ADGRG6: variants seen among roughly 807,000 people sequenced by gnomAD.
ADGRG6 encodes the protein adhesion G protein-coupled receptor G6, also known as G-protein coupled receptor 126.
Under a neutral mutation model 142.4 loss-of-function variants are expected in ADGRG6, and 84 were observed. The ratio of observed to expected loss-of-function variants is 0.59; its 90% CI spans 0.49 to 0.71. ADGRG6 has a LOEUF of 0.71. ADGRG6 is among the 30% of genes least tolerant of loss of function. The pLI is 0.00. For missense variants in ADGRG6, 1,367 were observed against 1,466.6 expected (o/e 0.93, Z 1.11); for synonymous variants, 521 against 520.5 (o/e 1.00, Z -0.01).
chr6:142,362,831 G>T (rs1284443291), intron 2 of ADGRG6, among the ~76,000 whole-genome samples: 1 of 152,156 alleles, frequency 6.6e-6, no homozygotes, highest in South Asian at 2.1e-4. Context: ...ACTGACTTAG[G>T]TATTAGAACT....
intron 22 of ADGRG6, among the ~76,000 whole-genome samples, chr6:142,425,498 A>G (rs1275479073): frequency 2.0e-5 from 3 of 152,224 alleles, no homozygotes; most frequent in Admixed American, 6.5e-5. Context: ...GATGCCTATC[A>G]TTACAATATT....
chr6:142,340,405 C>T (rs1779558341), intron 2 of ADGRG6, among the ~76,000 whole-genome samples: 1 of 151,962 alleles, frequency 6.6e-6, no homozygotes, highest in African/African-American at 2.4e-5. Context: ...TTATTCAATT[C>T]CCAGTCTGTG....
chr6:142,346,057 T>TA (rs1452044423), intron 2 of ADGRG6, among the ~76,000 whole-genome samples: 1 of 152,132 alleles, frequency 6.6e-6, no homozygotes, highest in Non-Finnish European at 1.5e-5. Flanking sequence ...ACTGTGTCTT[T>TA]AGGGATGGGT....
chr6:142,370,898 AT>A (rs765837829), intron 4 of ADGRG6, 105 bp downstream of exon 4: 4 of 1,084,720 alleles, frequency 3.7e-6, no homozygotes, highest in Non-Finnish European at 5.4e-6. Context: ...CTGTATGTAT[AT>A]TCACACATAT....
intron 6 of ADGRG6, among the ~76,000 whole-genome samples, chr6:142,389,183 A>C (rs1774740745): frequency 6.6e-6 from 1 of 151,988 alleles, no homozygotes; most frequent in South Asian, 2.1e-4. Context: ...TACTGGAAAG[A>C]CATTCCTTTG....
chr6:142,397,723 T>G lies in ADGRG6; in HGVS notation c.1535T>G (p.Leu512Trp), dbSNP rs1775275599. ...AATAATGAGTCCTTGGATGAAGGCTTGAGGCTACATACAGTGAATGTGAGA... is the reference window on the plus strand; with the variant it reads ...AATAATGAGTCCTTGGATGAAGGCTGGAGGCTACATACAGTGAATGTGAGA... ...LKNNESLDEG[L>W]RLHTVNVRQL... Residue 512 changes from leucine (L) to tryptophan (W), a missense_variant, in exon 10 of 25, where the codon TTG becomes TGG. Transcript: ENST00000367609. The G allele has an allele frequency of 3.1e-6, 5 of 1,603,700 alleles. No homozygotes were observed. The highest frequency in any genetic ancestry group is 4.3e-6 in the Non-Finnish European group (5 of 1,175,388).
intron 22 of ADGRG6, among the ~76,000 whole-genome samples, chr6:142,426,049 G>A (rs2115132971): frequency 6.6e-6 from 1 of 152,208 alleles, no homozygotes; most frequent in African/African-American, 2.4e-5. Flanking sequence ...ACTTGGGTGG[G>A]AACACAGCCA....
intron 9 of ADGRG6, 98 bp downstream of exon 9, chr6:142,394,056 C>T: frequency 3.8e-6 from 3 of 790,726 alleles, no homozygotes; most frequent in South Asian, 3.1e-5. Flanking sequence ...GAAAGAAAAA[C>T]TTAATCACAT....
At chr6:142,414,930 AAG>A in intron 18 of ADGRG6, 37 bp from the exon 19 acceptor site, 2 of 1,573,706 alleles carry the variant, frequency 1.3e-6, no homozygotes, top group East Asian at 2.3e-5. Context: ...TTCTCATGAG[AAG>A]AGAGTTTCTT....
intron 2 of ADGRG6, among the ~76,000 whole-genome samples, chr6:142,347,406 A>C (rs571846554): frequency 2.6e-5 from 4 of 152,356 alleles, no homozygotes; most frequent in African/African-American, 9.6e-5. Context: ...ATAATGAGAA[A>C]TATTTCAGAG....
chr6:142,443,458 C>A lies in ADGRG6; in HGVS notation c.3696C>A (p.Asp1232Glu), dbSNP rs1582704044. ...AGGGTTATTGCAATGCTCATTCAGA[C>A]AACTTCTATAAAAATATTATCATGT... is the stretch of plus-strand genomic sequence containing the variant. ...KVKGYCNAHS[D>E]NFYKNIIMSD... Residue 1232 changes from aspartate to glutamate, a missense_variant, in exon 25 of 25, where the codon GAC becomes GAA. Around this residue, in one of 3 missense-constraint regions of ADGRG6, gnomAD observed 344 missense variants for 348.7 expected, o/e 0.99. Transcript: ENST00000367609. 1.2e-6 allele frequency: 2 copies of A among 1,611,332 alleles called. No homozygotes were observed. The highest frequency in any genetic ancestry group is 1.3e-5 in the African/African-American group (1 of 74,946).
chr6:142,369,279 A>T (rs1781107110), intron 3 of ADGRG6, among the ~76,000 whole-genome samples: 1 of 152,194 alleles, frequency 6.6e-6, no homozygotes, highest in South Asian at 2.1e-4. Context: ...TTAGGTGAAT[A>T]CATTTTTATT....
At chr6:142,380,281 T>C (rs1583063482) in intron 4 of ADGRG6, among the ~76,000 whole-genome samples, 1 of 152,130 alleles carries the variant, frequency 6.6e-6, no homozygotes, top group East Asian at 1.9e-4. Flanking sequence ...AACCCTCTCT[T>C]CCATCATGGC....
intron 6 of ADGRG6, among the ~76,000 whole-genome samples, chr6:142,384,226 T>C (rs1781915270): frequency 6.6e-6 from 1 of 152,098 alleles, no homozygotes; most frequent in Non-Finnish European, 1.5e-5. Flanking sequence ...ATTTTATAAA[T>C]TTCAAAAAAT....
At chr6:142,368,482 C>G (rs1395938422) in intron 3 of ADGRG6, among the ~76,000 whole-genome samples, 2 of 151,776 alleles carry the variant, frequency 1.3e-5, no homozygotes, top group Non-Finnish European at 2.9e-5. Context: ...TAATCTTTCT[C>G]TCTAAAACCT....
intron 2 of ADGRG6, among the ~76,000 whole-genome samples, chr6:142,339,616 T>C (rs1027554388): frequency 6.6e-6 from 1 of 152,184 alleles, no homozygotes; most frequent in African/African-American, 2.4e-5. Flanking sequence ...GTGTCAAAGC[T>C]AGGTTCATGC....
At chr6:142,335,625 G>A (rs1045384584) in intron 2 of ADGRG6, among the ~76,000 whole-genome samples, 2 of 152,074 alleles carry the variant, frequency 1.3e-5, no homozygotes, top group Non-Finnish European at 2.9e-5. Context: ...TTGAGATCCC[G>A]ATTTGGAAGT....
intron 22 of ADGRG6, among the ~76,000 whole-genome samples, chr6:142,433,903 G>A (rs989307707): frequency 3.3e-5 from 5 of 152,054 alleles, no homozygotes; most frequent in Admixed American, 3.3e-4. Context: ...CAAAACATTA[G>A]TTAGATGTGG....
At chr6:142,346,786 A>G (rs1164754840) in intron 2 of ADGRG6, among the ~76,000 whole-genome samples, 4 of 151,550 alleles carry the variant, frequency 2.6e-5, no homozygotes, top group Non-Finnish European at 4.4e-5. Context: ...CAGAAAACCA[A>G]ACACCACATG....
Sources: gnomAD v4.1 joint callset for allele counts (sites outside exome capture counted in the v4.1 genomes callset) on GRCh38, gnomAD v4.1.1 for gene constraint, gnomAD v4.1.1 regional missense constraint, MANE v1.5 for transcripts, NCBI Gene and HGNC (gene_info 2026-07-23, HGNC 2026-07-21) for gene names.